The following HAS3 variants were observed in gnomAD, a reference collection of about 807,000 sequenced individuals.
HAS3 encodes the protein hyaluronan synthase 3.
HAS3 carries 27 observed loss-of-function variants against 50.3 expected under a neutral mutation model. That is an observed-to-expected ratio of 0.54 (90% CI 0.40 to 0.74). The LOEUF is 0.74. Ranked by LOEUF, HAS3 falls within the 30% of genes least tolerant of loss-of-function variation. The probability of loss-of-function intolerance (pLI) is 0.00; values close to 1 mark genes in which losing one functional copy is unlikely to be tolerated. For synonymous variants in HAS3, 339 were observed against 310.9 expected, an observed-to-expected ratio of 1.09 and a Z score of -0.95; for missense variants, 517 against 742.8, an observed-to-expected ratio of 0.70 and a Z score of 3.53.
At chr16:69,113,419 T>C (rs749538555) in intron 2 of HAS3, 22 bp from the exon 3 acceptor site, 2 of 1,557,404 alleles carry the variant, frequency 1.3e-6, no homozygotes, top group Admixed American at 1.7e-5. Context: ...CAGAATGGGC[T>C]GACGACGCAC....
rs751647671 is a variant in HAS3 at position 69,113,451 on chromosome 16, C to CT, written c.648dup (p.Asp217Ter). 1.2e-6 allele frequency: 2 copies of CT among 1,613,240 alleles called. No homozygotes were observed. The highest frequency in any genetic ancestry group is 1.7e-6 in the Non-Finnish European group (2 of 1,179,318). On this transcript the variant is annotated frameshift_variant, in exon 3 of 4. Coordinates refer to ENST00000569188, the MANE Select transcript of HAS3 (RefSeq NM_001199280.2). LOFTEE classifies it high-confidence loss of function. Reference sequence around the variant, plus strand: ...GCACTCCCTCTGCAGGTGTGCGACTCTGACACTGTGCTGGATCCAGCCTGC... The same window carrying CT: ...GCACTCCCTCTGCAGGTGTGCGACTCTTGACACTGTGCTGGATCCAGCCTGC...
At chr16:69,087,374 T>C in the HAS3 span, among the ~76,000 whole-genome samples, 2 of 152,236 alleles carry the variant, frequency 1.3e-5, no homozygotes, top group Non-Finnish European at 2.9e-5. Context: ...CTGAACATTC[T>C]GGAGAGTTTC....
At chr16:69,098,113 G>T in the HAS3 span, among the ~76,000 whole-genome samples, 1 of 152,158 alleles carries the variant, frequency 6.6e-6, no homozygotes, top group Non-Finnish European at 1.5e-5. Context: ...GCCAGGCGCG[G>T]TGGCTCATGC....
the HAS3 span, among the ~76,000 whole-genome samples, chr16:69,088,441 T>C: frequency 6.6e-6 from 1 of 151,070 alleles, no homozygotes; most frequent in Non-Finnish European, 1.5e-5. Flanking sequence ...GCGCCTGTAA[T>C]CCCAGCTGCT....
upstream of HAS3, among the ~76,000 whole-genome samples, chr16:69,103,003 A>ATGTGTGTGTG (rs35175934): frequency 0.03 from 4,154 of 138,732 alleles, 91 homozygotes; most frequent in Non-Finnish European, 0.045. Flanking sequence ...TGGAGTGTGC[A>ATGTGTGTGTG]TGTGTGTGTG....
intron 2 of HAS3, among the ~76,000 whole-genome samples, chr16:69,111,966 T>C (rs748935982): frequency 7.9e-5 from 12 of 152,228 alleles, no homozygotes; most frequent in Non-Finnish European, 1.0e-4. Context: ...CTGGGATCAC[T>C]GCATAAGGTT....
At chr16:69,103,392 T>G (rs777965953), upstream of HAS3, among the ~76,000 whole-genome samples, 24 of 151,506 alleles carry the variant, frequency 1.6e-4, no homozygotes, top group Non-Finnish European at 2.7e-4. Flanking sequence ...GACAAGACAT[T>G]TTTCTTTCTT....
upstream of HAS3, among the ~76,000 whole-genome samples, chr16:69,101,773 G>A (rs1476243630): frequency 2.6e-5 from 4 of 151,360 alleles, no homozygotes; most frequent in South Asian, 8.4e-4. Flanking sequence ...GCCTTGTACA[G>A]TTTATACTTG....
chr16:69,115,206 C>G lies in HAS3; in HGVS notation c.1602C>G (p.Ile534Met), dbSNP rs776247498. The part of the protein sequence containing the change: ...WVALLMLYLA[I>M]IARRCGKKPE... Reference sequence around the variant, plus strand: ...CCCTCCTCATGCTATATCTGGCCATCATCGCCCGGCGATGTGGGAAGAAGC... The same window carrying G: ...CCCTCCTCATGCTATATCTGGCCATGATCGCCCGGCGATGTGGGAAGAAGC... The change falls in exon 4 of 4, where the codon ATC becomes ATG. Residue 534 changes from isoleucine to methionine, a missense_variant. Coordinates refer to ENST00000569188, the MANE Select transcript of HAS3 (RefSeq NM_001199280.2). 1.9e-5 allele frequency: 29 copies of G among 1,552,166 alleles called. No homozygotes were observed. Among genetic ancestry groups the G allele is most frequent in the Non-Finnish European group, 2.6e-6 (3 of 1,150,036 alleles).
chr16:69,092,578 G>A, the HAS3 span, among the ~76,000 whole-genome samples: 3 of 148,510 alleles, frequency 2.0e-5, no homozygotes, highest in Non-Finnish European at 4.4e-5. Flanking sequence ...TCCAGCCTGG[G>A]TGACAGAGTG....
chr16:69,098,662 ATTTTT>A, the HAS3 span, among the ~76,000 whole-genome samples: 5 of 98,172 alleles, frequency 5.1e-5, no homozygotes, highest in South Asian at 3.8e-4. Flanking sequence ...ATCAAACCTG[ATTTTT>A]TTTTTTTTTT....
rs1597091383 is a variant in HAS3, at chr16:69,106,062, G to C, written c.-1+275G>C. On this transcript the variant is annotated intron_variant, in intron 1 of 3. Coordinates refer to ENST00000569188, the MANE Select transcript of HAS3 (RefSeq NM_001199280.2). The surrounding 1 kb of genome is among the most constrained non-coding windows in gnomAD (Gnocchi z 5.5). ...ACCCGGGACTAGGCGTCCCCGCCGA[G>C]CGCTGGCTTGTGGCGCTCCCTGGGA... Among the ~76,000 whole-genome samples, 1 of 152,290 alleles carries C rather than the reference G, an allele frequency of 6.6e-6. No homozygotes were observed. Among genetic ancestry groups the C allele is most frequent in the South Asian group, 2.1e-4 (1 of 4,834 alleles).
chr16:69,110,750 C>G (rs1960973068), intron 2 of HAS3, among the ~76,000 whole-genome samples: 1 of 152,178 alleles, frequency 6.6e-6, no homozygotes, highest in African/African-American at 2.4e-5. Context: ...TGTCTCAAGT[C>G]TTCTCTTACC....
chr16:69,109,324 A>G lies in HAS3; in HGVS notation c.1-72A>G. On this transcript the variant is annotated intron_variant, in intron 1 of 3. Coordinates refer to ENST00000569188, the MANE Select transcript of HAS3 (RefSeq NM_001199280.2). The surrounding 1 kb of genome is among the most constrained non-coding windows in gnomAD (Gnocchi z 5.3). ...TGGGTCATGTCCACTAGTAACAGAGAACACCCATGCTCCCACGGACTGGAA... is the reference window on the plus strand; with the variant it reads ...TGGGTCATGTCCACTAGTAACAGAGGACACCCATGCTCCCACGGACTGGAA... The G allele has an allele frequency of 6.9e-7, 1 of 1,456,166 alleles. No homozygotes were observed. The highest frequency in any genetic ancestry group is 1.3e-5 in the South Asian group (1 of 77,396). The allele number at this position is 1,456,166 out of a possible 1,614,324, so 90.2% of individuals were successfully genotyped here.
At chr16:69,096,148 C>T in the HAS3 span, among the ~76,000 whole-genome samples, 2,871 of 144,732 alleles carry the variant, frequency 0.02, 48 homozygotes, top group Non-Finnish European at 0.03. Context: ...CCTAAGAGGC[C>T]GAGACTGCAG....
chr16:69,116,774 T>A lies in HAS3; in HGVS notation c.*1508T>A. Reference sequence around the variant, plus strand: ...TCCAGGCTGTTCTCAGCGTTTTGAGTTTAAAACCTGGGATCCTGACTAAGC... The same window carrying A: ...TCCAGGCTGTTCTCAGCGTTTTGAGATTAAAACCTGGGATCCTGACTAAGC... On this transcript the variant is annotated 3_prime_UTR_variant, in exon 4 of 4. Transcript: ENST00000569188. The A allele has an allele frequency of 1.0e-6, 1 of 985,332 alleles. No individual in the cohort carries two copies. The highest frequency in any genetic ancestry group is 1.2e-6 in the Non-Finnish European group (1 of 829,894). 61.0% of individuals were successfully genotyped at this position (985,332 alleles called of 1,614,324 possible). A position where few individuals can be genotyped will look rare whatever the true frequency, so the allele number is the denominator to read the frequency against.
the HAS3 span, among the ~76,000 whole-genome samples, chr16:69,088,532 C>A: frequency 7.0e-6 from 1 of 143,808 alleles, no homozygotes; most frequent in African/African-American, 2.6e-5. Flanking sequence ...GCCCTCCAGC[C>A]TGGATGAAGA....
intron 2 of HAS3, among the ~76,000 whole-genome samples, chr16:69,111,635 G>C (rs1285090069): frequency 6.6e-6 from 1 of 152,204 alleles, no homozygotes; most frequent in African/African-American, 2.4e-5. Flanking sequence ...CTCTGCATGA[G>C]GGTTGATATG....
the HAS3 span, among the ~76,000 whole-genome samples, chr16:69,094,980 C>CTTTT: frequency 3.2e-5 from 4 of 124,926 alleles, no homozygotes; most frequent in African/African-American, 6.2e-5. Flanking sequence ...CCATTGTTAA[C>CTTTT]TTTTTTTTTT....
Sources: allele counts gnomAD v4.1 joint callset (sites outside exome capture counted in the v4.1 genomes callset), GRCh38; gene constraint gnomAD v4.1.1; non-coding constraint Gnocchi (gnomAD v3.1); transcripts MANE v1.5; gene names NCBI Gene and HGNC (gene_info 2026-07-23, HGNC 2026-07-21).